The following RFX3 variants were observed in gnomAD, a reference collection of about 807,000 sequenced individuals.
RFX3 encodes transcription factor RFX3.
In RFX3, 14 loss-of-function variants were observed where a neutral mutation model predicts 98.6. That is an observed-to-expected ratio of 0.14 (90% CI 0.09 to 0.22). RFX3 has a LOEUF of 0.22. Among genes scored for constraint, RFX3 ranks in the 10% least tolerant of loss-of-function variants. RFX3 has a pLI of 1.00. For missense variants in RFX3, 639 were observed against 926.9 expected (o/e 0.69, Z 4.03); for synonymous variants, 383 against 328.4 (o/e 1.17, Z -1.80).
Position 3,257,334 on chromosome 9 carries a change from A to G in RFX3, c.1606-135T>C, listed in dbSNP as rs1822268656. 2.3e-5 allele frequency: 16 copies of G among 698,854 alleles called. No homozygotes were observed. In the South Asian group the frequency reaches 3.1e-4, roughly 14 times the overall value. The allele number at this position is 698,854 out of a possible 1,614,324, so 43.3% of individuals were successfully genotyped here. ...ACAGTTAAATGAATCCAGAAAATAA[A>G]AAACTACTTGTCAATTGTTAGGGTA... On this transcript the variant is annotated intron_variant, in intron 13 of 16. Coordinates refer to ENST00000617270, the MANE Select transcript of RFX3 (RefSeq NM_001282116.2).
chr9:3,350,850 A>G (rs1007349658), intron 2 of RFX3, among the ~76,000 whole-genome samples: 15 of 152,150 alleles, frequency 9.9e-5, no homozygotes, highest in Admixed American at 9.8e-4. Context: ...TGAAAAGGTT[A>G]CATACTGTAG....
Position 3,367,488 on chromosome 9 carries a change from C to T in RFX3, c.118-20724G>A, listed in dbSNP as rs573251005. On this transcript the variant is annotated intron_variant, in intron 2 of 16. Transcript: ENST00000617270. ...GGAACAGAGAACTCAATCAAGCACC[C>T]CCAGACTTATGACCTCCAAAAATTG... Among the ~76,000 whole-genome samples the T allele has an allele frequency of 9.2e-5, 14 of 152,258 alleles. 1 individual carries two copies. The East Asian group carries it at 2.7e-3, about 29-fold the overall frequency.
At chr9:3,412,444 A>G (rs940558935) in intron 1 of RFX3, among the ~76,000 whole-genome samples, 2 of 152,248 alleles carry the variant, frequency 1.3e-5, no homozygotes, top group African/African-American at 4.8e-5. Context: ...AATAGTAATT[A>G]TCTATAGAGA....
chr9:3,482,138 G>C (rs73639898), intron 1 of RFX3, among the ~76,000 whole-genome samples: 127 of 151,726 alleles, frequency 8.4e-4, no homozygotes, highest in African/African-American at 2.8e-3. Flanking sequence ...GTAGAGAATT[G>C]TTTAAATACA....
intron 1 of RFX3, among the ~76,000 whole-genome samples, chr9:3,480,482 C>G (rs962270331): frequency 2.0e-5 from 3 of 152,176 alleles, no homozygotes; most frequent in Non-Finnish European, 2.9e-5. Context: ...CCAACCCAAA[C>G]TGAAAGGAAA....
Position 3,281,049 on chromosome 9 carries a change from A to G in RFX3, c.852-3588T>C, listed in dbSNP as rs76854833. Among the ~76,000 whole-genome samples, 754 of 151,948 alleles carry G rather than the reference A, an allele frequency of 5.0e-3. 9 individuals carry two copies. Among genetic ancestry groups the G allele is most frequent in the African/African-American group, 0.017 (711 of 41,528 alleles). On this transcript the variant is annotated intron_variant, in intron 7 of 16. Coordinates refer to ENST00000617270, the MANE Select transcript of RFX3 (RefSeq NM_001282116.2). ...TATCATCAACTGATTTTGTATATAT[A>G]TCAAATCAATTTAACAAATATTTAT... is the stretch of plus-strand genomic sequence containing the variant.
chr9:3,356,855 T>G (rs995722177), intron 2 of RFX3, among the ~76,000 whole-genome samples: 1 of 151,286 alleles, frequency 6.6e-6, no homozygotes, highest in Non-Finnish European at 1.5e-5. Context: ...TCCACCATAT[T>G]TACAATATAA....
intron 3 of RFX3, among the ~76,000 whole-genome samples, chr9:3,345,313 G>C (rs1834336380): frequency 6.6e-6 from 1 of 152,120 alleles, no homozygotes; most frequent in Non-Finnish European, 1.5e-5. Context: ...TATGAAAGGG[G>C]AATATTTGGG....
chr9:3,350,103 A>C (rs1834931304), intron 2 of RFX3, among the ~76,000 whole-genome samples: 1 of 152,112 alleles, frequency 6.6e-6, no homozygotes, highest in Non-Finnish European at 1.5e-5. Flanking sequence ...TAATTCATGG[A>C]ACAAATAATT....
intron 5 of RFX3, among the ~76,000 whole-genome samples, chr9:3,293,933 A>T (rs979895835): frequency 1.3e-5 from 2 of 152,140 alleles, no homozygotes; most frequent in Non-Finnish European, 2.9e-5. Flanking sequence ...TTCTACCTCA[A>T]AACTGTGTTT....
chr9:3,462,642 T>G (rs946520986), intron 1 of RFX3, among the ~76,000 whole-genome samples: 1 of 152,030 alleles, frequency 6.6e-6, no homozygotes, highest in African/African-American at 2.4e-5. Flanking sequence ...AGAACATTTT[T>G]AAGAGTTTAC....
intron 2 of RFX3, among the ~76,000 whole-genome samples, chr9:3,375,908 TGA>T (rs1838422857): frequency 6.6e-6 from 1 of 151,656 alleles, no homozygotes; most frequent in African/African-American, 2.4e-5. Flanking sequence ...TGCAGTGAGC[TGA>T]GATAGCGCCA....
chr9:3,456,729 A>G (rs1321123906), intron 1 of RFX3, among the ~76,000 whole-genome samples: 1 of 152,144 alleles, frequency 6.6e-6, no homozygotes, highest in Non-Finnish European at 1.5e-5. Flanking sequence ...TGCTAAATCA[A>G]CTTACTCCAC....
At chr9:3,452,103 G>C (rs1456757807) in intron 1 of RFX3, among the ~76,000 whole-genome samples, 1 of 150,762 alleles carries the variant, frequency 6.6e-6, no homozygotes, top group African/African-American at 2.5e-5. Context: ...CAAACCTGCT[G>C]CAAGGGCTTT....
intron 1 of RFX3, among the ~76,000 whole-genome samples, chr9:3,447,303 A>G (rs1485362236): frequency 6.6e-6 from 1 of 152,168 alleles, no homozygotes; most frequent in East Asian, 1.9e-4. Context: ...GGACAAAAGA[A>G]GCAATTTTAA....
chr9:3,467,177 T>C (rs1848360631), intron 1 of RFX3, among the ~76,000 whole-genome samples: 1 of 139,898 alleles, frequency 7.1e-6, no homozygotes, highest in Non-Finnish European at 1.5e-5. Context: ...ATATAATGTA[T>C]ATATGTATAT....
At chr9:3,359,707 T>C (rs1836187611) in intron 2 of RFX3, among the ~76,000 whole-genome samples, 1 of 152,184 alleles carries the variant, frequency 6.6e-6, no homozygotes, top group South Asian at 2.1e-4. Flanking sequence ...ATAAAATTGG[T>C]AGAATCTTCT....
chr9:3,276,922 A>G (rs887818954), intron 8 of RFX3, among the ~76,000 whole-genome samples: 18 of 152,080 alleles, frequency 1.2e-4, no homozygotes, highest in African/African-American at 3.9e-4. Flanking sequence ...ATTTAAATGA[A>G]TAAATTACTT....
chr9:3,412,020 T>C (rs1212244312), intron 1 of RFX3, among the ~76,000 whole-genome samples: 1 of 152,204 alleles, frequency 6.6e-6, no homozygotes, highest in African/African-American at 2.4e-5. Context: ...TTAAACATTA[T>C]GGGCATCAAA....
Sources: allele counts gnomAD v4.1 joint callset (sites outside exome capture counted in the v4.1 genomes callset), GRCh38; gene constraint gnomAD v4.1.1; transcripts MANE v1.5; gene names NCBI Gene and HGNC (gene_info 2026-07-23, HGNC 2026-07-21).